Variants in CAPN13 observed in about 807,000 individuals in gnomAD.
The protein encoded by CAPN13 is calpain-13.
A neutral mutation model predicts 98.4 loss-of-function variants in CAPN13; 90 were observed. The ratio of observed to expected loss-of-function variants is 0.92; its 90% CI spans 0.77 to 1.09. The LOEUF is 1.09. Among genes scored for constraint, CAPN13 ranks in the 50% least tolerant of loss-of-function variants. The pLI is 0.00. For synonymous variants in CAPN13, 330 were observed against 305.5 expected (o/e 1.08, Z -0.84); for missense variants, 887 against 841.3 (o/e 1.05, Z -0.67).
intron 11 of CAPN13, among the ~76,000 whole-genome samples, chr2:30,750,802 TG>T (rs1324302811): frequency 8.5e-5 from 13 of 152,362 alleles, no homozygotes; most frequent in Non-Finnish European, 1.6e-4. Flanking sequence ...TTAGAACAGC[TG>T]GTCTTGGCCC....
intron 8 of CAPN13, among the ~76,000 whole-genome samples, chr2:30,755,158 C>T (rs1304939527): frequency 6.6e-6 from 1 of 151,870 alleles, no homozygotes; most frequent in African/African-American, 2.4e-5. Context: ...CCTGATGCTC[C>T]CCCTGCACCT....
rs74261476 is a variant in CAPN13 at position 30,725,260 on chromosome 2, T to A, written c.*31-2024A>T. On this transcript the variant is annotated intron_variant, in intron 22 of 22. Coordinates refer to ENST00000295055, the MANE Select transcript of CAPN13 (RefSeq NM_144575.3). ...ATGAACTTTATATTTAAACATATTT[T>A]AACATATTTTAACATAGGTATTGCC... 3.5e-5 allele frequency among the ~76,000 whole-genome samples: 5 copies of A among 140,916 alleles called. No homozygotes were observed. In the South Asian group the frequency reaches 1.1e-3, roughly 30 times the overall value. 92.4% of individuals were successfully genotyped at this position (140,916 alleles called of 152,430 possible).
chr2:30,793,362 T>A (rs1370908362), intron 1 of CAPN13, among the ~76,000 whole-genome samples: 1 of 151,320 alleles, frequency 6.6e-6, no homozygotes, highest in Non-Finnish European at 1.5e-5. Context: ...ACAAAATACT[T>A]GGGAAAAAAT....
intron 10 of CAPN13, among the ~76,000 whole-genome samples, chr2:30,752,337 T>C (rs1273802415): frequency 6.6e-6 from 1 of 152,160 alleles, no homozygotes; most frequent in African/African-American, 2.4e-5. Context: ...TTATCAAAGA[T>C]ATATAAGCAC....
At chr2:30,731,921 C>T (rs985795673) in intron 20 of CAPN13, among the ~76,000 whole-genome samples, 1 of 152,172 alleles carries the variant, frequency 6.6e-6, no homozygotes, top group African/African-American at 2.4e-5. Context: ...GGCCTCTCTC[C>T]TGCAATCATG....
intron 4 of CAPN13, 25 bp from the exon 5 acceptor site, chr2:30,770,474 T>C: frequency 6.2e-7 from 1 of 1,610,358 alleles, no homozygotes; most frequent in South Asian, 1.1e-5. Context: ...AGCATATGCT[T>C]TGACAGAGTT....
At chr2:30,735,070 G>A (rs1317124875) in intron 18 of CAPN13, among the ~76,000 whole-genome samples, 1 of 152,186 alleles carries the variant, frequency 6.6e-6, no homozygotes, top group Non-Finnish European at 1.5e-5. Context: ...AGAAAATATT[G>A]AAAGCAGGTT....
At chr2:30,754,221 A>AAAAGGGTAGGGATTGAAGACTTGGCAAT (rs1303580222) in intron 9 of CAPN13, 69 bp downstream of exon 9, 5 of 1,235,006 alleles carry the variant, frequency 4.0e-6, no homozygotes, top group Non-Finnish European at 5.5e-6. Flanking sequence ...ATGTTCAGGG[A>AAAAGGGTAGGGATTGAAGACTTGGCAAT]AAAGGGTAGG....
intron 1 of CAPN13, among the ~76,000 whole-genome samples, chr2:30,792,010 T>G (rs1674631372): frequency 6.6e-6 from 1 of 152,190 alleles, no homozygotes; most frequent in Non-Finnish European, 1.5e-5. Flanking sequence ...AGCTACGTGT[T>G]GTTCTTCTAC....
At chr2:30,802,764 G>A (rs78442777) in intron 1 of CAPN13, among the ~76,000 whole-genome samples, 5 of 152,156 alleles carry the variant, frequency 3.3e-5, no homozygotes, top group Admixed American at 2.0e-4. Flanking sequence ...CCTGGGGCAG[G>A]GGGTACAGGC....
At chr2:30,749,760 T>TGATGA (rs11473440) in intron 11 of CAPN13, among the ~76,000 whole-genome samples, 79,557 of 151,652 alleles carry the variant, frequency 0.52, 22,384 homozygotes, top group African/African-American at 0.74. Flanking sequence ...GATCCCAGCG[T>TGATGA]GTGCATGATC....
intron 7 of CAPN13, among the ~76,000 whole-genome samples, chr2:30,758,786 CTT>C (rs113498040): frequency 5.4e-5 from 6 of 111,446 alleles, no homozygotes; most frequent in African/African-American, 3.3e-5. Context: ...CCCTCCCTCC[CTT>C]TCCTTTCCTT....
At chr2:30,776,978 G>A (rs1389547781) in intron 3 of CAPN13, among the ~76,000 whole-genome samples, 2 of 152,222 alleles carry the variant, frequency 1.3e-5, no homozygotes, top group African/African-American at 4.8e-5. Context: ...GCAAGCTGAC[G>A]TTTTGAAAGC....
chr2:30,788,321 T>C (rs768782422), intron 1 of CAPN13, among the ~76,000 whole-genome samples: 1 of 152,180 alleles, frequency 6.6e-6, no homozygotes, highest in African/African-American at 2.4e-5. Context: ...AGGCATGCAG[T>C]AGTCCCTCAG....
rs1674342377 is a variant in CAPN13 at position 30,787,301 on chromosome 2, C to A, written c.25G>T (p.Val9Leu). 6.2e-7 allele frequency: 1 copy of A among 1,612,932 alleles called. No homozygotes were observed. Residue 9 changes from valine to leucine, a missense_variant, in exon 2 of 23, where the codon GTG becomes TTG. By Grantham distance (32) the Val-to-Leu change is conservative. Coordinates refer to ENST00000295055, the MANE Select transcript of CAPN13 (RefSeq NM_144575.3). ...TTGAACTTGATGATGGAGGTCTCCA[C>A]TGAAGGCTCCTGGTAATACGCCATG... is the stretch of plus-strand genomic sequence containing the variant. Reference protein sequence around the residue: MAYYQEPSVETSIIKFKDQ... With the variant: MAYYQEPSLETSIIKFKDQ...
At chr2:30,771,077 A>G (rs1673384996) in intron 4 of CAPN13, among the ~76,000 whole-genome samples, 2 of 152,192 alleles carry the variant, frequency 1.3e-5, no homozygotes, top group African/African-American at 4.8e-5. Flanking sequence ...CAGAAAGGAT[A>G]CTGGCTGGCA....
intron 10 of CAPN13, among the ~76,000 whole-genome samples, chr2:30,752,412 A>G (rs1672219180): frequency 6.6e-6 from 1 of 152,218 alleles, no homozygotes; most frequent in African/African-American, 2.4e-5. Flanking sequence ...AATGAGAGGG[A>G]CAGGGAGGGA....
Position 30,734,455 on chromosome 2 carries a change from T to G in CAPN13, c.1792A>C (p.Asn598His), listed in dbSNP as rs762944470. Residue 598 changes from asparagine to histidine, a missense_variant, in exon 19 of 23, where the codon AAT becomes CAT. Asn to His is a moderately conservative substitution (Grantham distance 68). Coordinates refer to ENST00000295055, the MANE Select transcript of CAPN13 (RefSeq NM_144575.3). ...LSSDLWKAIE[N>H]TDFLRGIFIS... is the part of the protein sequence containing the mutation. The stretch of plus-strand genomic sequence containing the variant: ...TCCAAAGTCCCCATTGTACCTGTAT[T>G]CTCTATGGCCTTCCACAAGTCCGAG... The G allele has an allele frequency of 6.2e-7, 1 of 1,613,698 alleles. No individual in the cohort carries two copies.
intron 5 of CAPN13, among the ~76,000 whole-genome samples, chr2:30,766,123 G>C (rs924620043): frequency 2.0e-5 from 3 of 152,362 alleles, no homozygotes; most frequent in Admixed American, 6.5e-5. Flanking sequence ...CCCCACCAGT[G>C]CTACCTCCTG....
Sources: allele counts gnomAD v4.1 joint callset (sites outside exome capture counted in the v4.1 genomes callset), GRCh38; gene constraint gnomAD v4.1.1; transcripts MANE v1.5; gene names NCBI Gene and HGNC (gene_info 2026-07-23, HGNC 2026-07-21).